The following SLC1A2 variants were observed in gnomAD, a reference collection of about 807,000 sequenced individuals.
SLC1A2 encodes excitatory amino acid transporter 2.
Under a neutral mutation model 48.8 loss-of-function variants are expected in SLC1A2, and 15 were observed. The observed-to-expected ratio is 0.31, with a 90% confidence interval of 0.21 to 0.47. The LOEUF is 0.47. Ranked by LOEUF, SLC1A2 falls within the 20% of genes least tolerant of loss-of-function variation. SLC1A2 has a pLI of 0.99. For synonymous variants in SLC1A2, 279 were observed against 272.6 expected (o/e 1.02, Z -0.23); for missense variants, 502 against 730.5 (o/e 0.69, Z 3.61).
At chr11:35,380,343 T>C in intron 1 of SLC1A2, 1 of 398,604 alleles carries the variant, frequency 2.5e-6, no homozygotes. Flanking sequence ...TTCTGAAAAA[T>C]AAGCCAGGTT....
At chr11:35,319,066 T>C (rs1414514878) in intron 1 of SLC1A2, among the ~76,000 whole-genome samples, 1 of 152,232 alleles carries the variant, frequency 6.6e-6, no homozygotes, top group African/African-American at 2.4e-5. Flanking sequence ...TTCATCTAGT[T>C]AATTTCTGAG....
In SLC1A2 at chr11:35,292,405, T is replaced by G. The variant is rs1467416467; in HGVS notation, c.973A>C (p.Ile325Leu). ...MYMVTVIIGL[I>L]IHGGIFLPLI... is the part of the protein sequence containing the mutation. Reference sequence around the variant, plus strand: ...GGGAGAAAGATGCCCCCGTGGATGATGAGGCCTATGATCACTGTTACCATG... The same window carrying G: ...GGGAGAAAGATGCCCCCGTGGATGAGGAGGCCTATGATCACTGTTACCATG... The change falls in exon 7 of 11, where the codon ATC becomes CTC. Residue 325 changes from isoleucine (I) to leucine (L), a missense_variant. Physicochemically the swap from Ile to Leu is conservative, Grantham distance 5. This residue lies in a region of SLC1A2 where 309 missense variants were observed against 480.3 expected (regional missense o/e 0.64). Transcript: ENST00000278379. 6.2e-7 allele frequency: 1 copy of G among 1,613,714 alleles called. No individual in the cohort carries two copies. Among genetic ancestry groups the G allele is most frequent in the African/African-American group, 1.3e-5 (1 of 74,910 alleles).
At chr11:35,359,360 A>T (rs1853598077) in intron 1 of SLC1A2, among the ~76,000 whole-genome samples, 1 of 152,234 alleles carries the variant, frequency 6.6e-6, no homozygotes, top group South Asian at 2.1e-4. Context: ...GATGATTTTG[A>T]TTTAAAAAAA....
chr11:35,282,737 C>T (rs910271613), intron 8 of SLC1A2, among the ~76,000 whole-genome samples: 2 of 152,214 alleles, frequency 1.3e-5, no homozygotes, highest in Non-Finnish European at 2.9e-5. Context: ...CACTCTTGCA[C>T]ATCCCTTTGC....
chr11:35,399,670 A>G (rs898909065), intron 1 of SLC1A2: 8 of 901,950 alleles, frequency 8.9e-6, no homozygotes, highest in Non-Finnish European at 1.1e-5. Context: ...GGGGATATTC[A>G]GCTCTTTCCA....
At chr11:35,418,875 C>T in intron 1 of SLC1A2, 75 bp downstream of exon 1, 7 of 1,398,960 alleles carry the variant, frequency 5.0e-6, no homozygotes, top group Non-Finnish European at 6.9e-6. Flanking sequence ...CCTCTCTATC[C>T]GCATCCCGGA....
chr11:35,277,651 G>A (rs1229422733), intron 9 of SLC1A2, among the ~76,000 whole-genome samples: 1 of 152,186 alleles, frequency 6.6e-6, no homozygotes, highest in Non-Finnish European at 1.5e-5. Flanking sequence ...CACAGCAGGC[G>A]AGGGACCCTC....
intron 1 of SLC1A2, among the ~76,000 whole-genome samples, chr11:35,334,838 TG>T (rs1852566095): frequency 1.5e-5 from 2 of 137,330 alleles, no homozygotes; most frequent in African/African-American, 6.8e-5. Context: ...TGTTTTGTTT[TG>T]TTTTGTTTTG....
chr11:35,367,316 C>T (rs1301455050), intron 1 of SLC1A2, among the ~76,000 whole-genome samples: 1 of 152,140 alleles, frequency 6.6e-6, no homozygotes, highest in African/African-American at 2.4e-5. Flanking sequence ...GAACTTGACC[C>T]AGAAATGGAT....
intron 1 of SLC1A2, chr11:35,399,632 T>C: frequency 1.0e-6 from 1 of 981,494 alleles, no homozygotes; most frequent in Non-Finnish European, 1.2e-6. Context: ...TGCGGAGTAT[T>C]CAATCATCTA....
chr11:35,333,617 C>T (rs1338893638), intron 1 of SLC1A2, among the ~76,000 whole-genome samples: 10 of 151,894 alleles, frequency 6.6e-5, no homozygotes, highest in Non-Finnish European at 1.5e-4. Flanking sequence ...TTCTAAAACC[C>T]TTTAATTTAT....
At chr11:35,265,844 A>G in intron 9 of SLC1A2, 86 bp from the exon 10 acceptor site, 1 of 792,634 alleles carries the variant, frequency 1.3e-6, no homozygotes. Context: ...AGAGAGACAT[A>G]GGGTTGAGTA....
chr11:35,316,401 A>G (rs2134896158), intron 2 of SLC1A2: 1 of 152,202 alleles, frequency 6.6e-6, no homozygotes, highest in African/African-American at 2.4e-5. Flanking sequence ...TAAAAATCCC[A>G]CTCTCCAACT....
intron 1 of SLC1A2, among the ~76,000 whole-genome samples, chr11:35,323,494 A>G (rs12281268): frequency 1.3e-5 from 2 of 152,214 alleles, no homozygotes; most frequent in South Asian, 2.1e-4. Flanking sequence ...CTCTTAATCT[A>G]TAAAATAAGA....
chr11:35,273,393 G>T (rs1378402430), intron 9 of SLC1A2, among the ~76,000 whole-genome samples: 1 of 152,226 alleles, frequency 6.6e-6, no homozygotes, highest in Non-Finnish European at 1.5e-5. Context: ...AAGCATTAAA[G>T]ATTTCTTAGC....
intron 1 of SLC1A2, among the ~76,000 whole-genome samples, chr11:35,350,767 C>T (rs1301730800): frequency 6.6e-6 from 1 of 152,178 alleles, no homozygotes; most frequent in Non-Finnish European, 1.5e-5. Context: ...TAGGAAGATG[C>T]CTGGGCTGAG....
At chr11:35,293,314 G>C (rs1851069762) in intron 6 of SLC1A2, among the ~76,000 whole-genome samples, 1 of 152,172 alleles carries the variant, frequency 6.6e-6, no homozygotes, top group Non-Finnish European at 1.5e-5. Context: ...ACTCCCAACT[G>C]GGGGATTTTC....
rs1270613444 is a variant in SLC1A2 at position 35,259,458 on chromosome 11, A to T, written c.*1436T>A. ...GTTATTCAATAAAAAAGGATAGTAG[A>T]GACATTAAAAATTTTAGCTTGCATT... On this transcript the variant is annotated 3_prime_UTR_variant, in exon 11 of 11. Transcript: ENST00000278379. 1 of 152,676 alleles carries T rather than the reference A, an allele frequency of 6.5e-6. No homozygotes were observed. Among genetic ancestry groups the T allele is most frequent in the Non-Finnish European group, 1.5e-5 (1 of 68,056 alleles). The allele number at this position is 152,676 out of a possible 1,614,324, so 9.5% of individuals were successfully genotyped here. A position where few individuals can be genotyped will look rare whatever the true frequency, so the allele number is the denominator to read the frequency against.
intron 4 of SLC1A2, among the ~76,000 whole-genome samples, chr11:35,308,343 G>A (rs924481110): frequency 1.3e-5 from 2 of 152,148 alleles, no homozygotes; most frequent in Non-Finnish European, 2.9e-5. Context: ...GAGGAGATAG[G>A]AACACGAACG....
Sources: gnomAD v4.1 joint callset for allele counts (sites outside exome capture counted in the v4.1 genomes callset) on GRCh38, gnomAD v4.1.1 for gene constraint, gnomAD v4.1.1 regional missense constraint, MANE v1.5 for transcripts, NCBI Gene and HGNC (gene_info 2026-07-23, HGNC 2026-07-21) for gene names.